The following WDFY3 variants were observed in gnomAD, a reference collection of about 807,000 sequenced individuals.
WDFY3 encodes the protein WD repeat and FYVE domain containing 3, also known as WD repeat and FYVE domain-containing protein 3.
In WDFY3, 66 loss-of-function variants were observed where a neutral mutation model predicts 409.6. The observed-to-expected ratio is 0.16, with a 90% CI of 0.13 to 0.20. The LOEUF is 0.20. Among genes scored for constraint, WDFY3 ranks in the 10% least tolerant of loss-of-function variants. The pLI is 1.00. For synonymous variants in WDFY3, 1,521 were observed against 1,537.1 expected (o/e 0.99, Z 0.25); for missense variants, 3,031 against 4,298.1 (o/e 0.71, Z 8.24).
chr4:84,783,912 A>G (rs554748363), intron 24 of WDFY3, among the ~76,000 whole-genome samples: 1 of 150,624 alleles, frequency 6.6e-6, no homozygotes, highest in Non-Finnish European at 1.5e-5. Flanking sequence ...AGCTCTGCGT[A>G]AGAGTTGTCA....
At chr4:84,691,352 G>A (rs1418458924) in intron 60 of WDFY3, among the ~76,000 whole-genome samples, 1 of 152,142 alleles carries the variant, frequency 6.6e-6, no homozygotes, top group African/African-American at 2.4e-5. Context: ...TCTCTCGGAG[G>A]AATTCTTTGA....
rs1298447079 is a variant in WDFY3, at chr4:84,860,437, TAC to T, written c.153_154del (p.Met53AspfsTer6). 6.2e-7 allele frequency: 1 copy of T among 1,614,078 alleles called. No individual in the cohort carries two copies. ...CCTGTTAAACACTGGCAGCATCATA[TAC>T]AGTTTCTCTTCTTGTTCCTTCTGAG... is the stretch of plus-strand genomic sequence containing the variant. On this transcript the variant is annotated frameshift_variant, in exon 4 of 68. Coordinates refer to ENST00000295888, the MANE Select transcript of WDFY3 (RefSeq NM_014991.6). LOFTEE classifies it high-confidence loss of function.
chr4:84,704,605 C>T (rs572673153), intron 54 of WDFY3, among the ~76,000 whole-genome samples, 161 bp from the exon 55 acceptor site: 1 of 152,194 alleles, frequency 6.6e-6, no homozygotes, highest in African/African-American at 2.4e-5. Flanking sequence ...GACACCACTA[C>T]CCCTCTCTTC....
chr4:84,933,949 G>A (rs1043377610), intron 1 of WDFY3, among the ~76,000 whole-genome samples: 8 of 151,986 alleles, frequency 5.3e-5, no homozygotes, highest in South Asian at 2.1e-4. Flanking sequence ...GTTTGCATCC[G>A]AATCTTGGTT....
rs563868868 is a variant in WDFY3 at position 84,681,912 on chromosome 4, T to C, written c.9823+462A>G. On this transcript the variant is annotated intron_variant, in intron 64 of 67. Transcript: ENST00000295888. The stretch of plus-strand genomic sequence containing the variant: ...GCTTCAGTGTGAATTAATGCCCCAA[T>C]GTAAGCAAGTCTGACTGTGGACTCT... Among the ~76,000 whole-genome samples the C allele has an allele frequency of 9.3e-4, 141 of 152,344 alleles. 3 individuals carry two copies. In the South Asian group the frequency reaches 0.028, roughly 31 times the overall value.
At chr4:84,960,869 T>A (rs978242253) in intron 1 of WDFY3, among the ~76,000 whole-genome samples, 4 of 152,116 alleles carry the variant, frequency 2.6e-5, no homozygotes, top group Admixed American at 2.6e-4. Context: ...CTACTGAAAA[T>A]TAAATGTTGA....
chr4:84,705,559 G>T, intron 53 of WDFY3, 48 bp from the exon 54 acceptor site: 1 of 1,438,068 alleles, frequency 7.0e-7, no homozygotes, highest in Non-Finnish European at 9.8e-7. Context: ...ACACTATCTA[G>T]CCTCACTAAC....
intron 3 of WDFY3, among the ~76,000 whole-genome samples, chr4:84,896,130 C>T (rs570542283): frequency 7.2e-5 from 11 of 152,060 alleles, no homozygotes; most frequent in African/African-American, 2.7e-4. Flanking sequence ...GTGGTGGGTG[C>T]CTGTAATCCC....
chr4:84,954,561 A>G (rs1774006476), intron 1 of WDFY3, among the ~76,000 whole-genome samples: 1 of 152,130 alleles, frequency 6.6e-6, no homozygotes, highest in Admixed American at 6.5e-5. Context: ...AACATAATAA[A>G]ACACATATTA....
intron 7 of WDFY3, 75 bp downstream of exon 7, chr4:84,836,854 G>T (rs965437209): frequency 8.0e-7 from 1 of 1,253,472 alleles, no homozygotes; most frequent in Non-Finnish European, 1.0e-6. Context: ...AATGGAATAT[G>T]TAAAACATCT....
chr4:84,697,515 C>T (rs1211827437), intron 56 of WDFY3, among the ~76,000 whole-genome samples: 1 of 151,984 alleles, frequency 6.6e-6, no homozygotes, highest in Admixed American at 6.6e-5. Context: ...ATATTTATTC[C>T]ATATAAACTT....
intron 2 of WDFY3, among the ~76,000 whole-genome samples, chr4:84,912,102 A>G (rs1767874847): frequency 6.6e-6 from 1 of 152,214 alleles, no homozygotes; most frequent in African/African-American, 2.4e-5. Flanking sequence ...GTTCATGCAT[A>G]TATTTTTCAT....
intron 2 of WDFY3, among the ~76,000 whole-genome samples, chr4:84,909,400 T>C (rs1767473667): frequency 6.6e-6 from 1 of 151,740 alleles, no homozygotes; most frequent in Admixed American, 6.6e-5. Flanking sequence ...AGTATTGTAA[T>C]AAAAAAAGAA....
intron 59 of WDFY3, 108 bp downstream of exon 59, chr4:84,692,777 A>T: frequency 2.8e-6 from 3 of 1,061,566 alleles, no homozygotes; most frequent in South Asian, 1.7e-5. Context: ...TATGGCACTT[A>T]TTAAACAAAT....
Position 84,692,970 on chromosome 4 carries a change from T to A in WDFY3, c.8964A>T (p.Gly2988=), listed in dbSNP as rs1413803097. ...VRSRLNGDNA[G]ISVLPGSTSD... ...TTGTAGATCCTGGTAGGACAGAGAT[T>A]CCTGCATTGTCTCCATTGAGTCGAC... is the stretch of plus-strand genomic sequence containing the variant. Residue 2988 remains glycine (G), a synonymous_variant, in exon 59 of 68, where the codon GGA becomes GGT. Coordinates refer to ENST00000295888, the MANE Select transcript of WDFY3 (RefSeq NM_014991.6). The A allele has an allele frequency of 1.9e-6, 3 of 1,613,386 alleles. No individual in the cohort carries two copies. The highest frequency in any genetic ancestry group is 1.7e-4 in the Middle Eastern group (1 of 6,060).
In WDFY3 at chr4:84,858,001, A is replaced by G. The variant is rs188138253; in HGVS notation, c.180+2411T>C. Among the ~76,000 whole-genome samples the G allele has an allele frequency of 2.4e-4, 37 of 152,228 alleles. No homozygotes were observed. The East Asian group carries it at 7.1e-3, about 29-fold the overall frequency. On this transcript the variant is annotated intron_variant, in intron 4 of 67. Coordinates refer to ENST00000295888, the MANE Select transcript of WDFY3 (RefSeq NM_014991.6). Reference sequence around the variant, plus strand: ...GTTTAGTATAAATTTATCATCTCCAACCTTCACTGAGCCATCAATACTAAT... The same window carrying G: ...GTTTAGTATAAATTTATCATCTCCAGCCTTCACTGAGCCATCAATACTAAT...
intron 35 of WDFY3, 62 bp downstream of exon 35, chr4:84,753,635 C>T (rs1435404161): frequency 6.8e-7 from 1 of 1,461,602 alleles, no homozygotes; most frequent in Non-Finnish European, 9.1e-7. Flanking sequence ...ACCATTGAAA[C>T]AGACTAATTC....
At chr4:84,877,751 G>T (rs1374239603) in intron 3 of WDFY3, among the ~76,000 whole-genome samples, 2 of 152,152 alleles carry the variant, frequency 1.3e-5, no homozygotes, top group Non-Finnish European at 2.9e-5. Context: ...ATTATGGAAG[G>T]CAAAGGTCAT....
Position 84,737,172 on chromosome 4 carries a change from T to A in WDFY3, c.6757+12A>T, listed in dbSNP as rs1737593224. ...GTAAATCTCCTGGTGGTATGATCTC[T>A]GTAGGCCTTACCCAAATGATTCTGC... On this transcript the variant is annotated intron_variant, in intron 41 of 67. Coordinates refer to ENST00000295888, the MANE Select transcript of WDFY3 (RefSeq NM_014991.6). The A allele has an allele frequency of 6.2e-7, 1 of 1,614,120 alleles. No homozygotes were observed. The highest frequency in any genetic ancestry group is 2.2e-5 in the East Asian group (1 of 44,870).
Sources: allele counts gnomAD v4.1 joint callset (sites outside exome capture counted in the v4.1 genomes callset), GRCh38; gene constraint gnomAD v4.1.1; transcripts MANE v1.5; gene names NCBI Gene and HGNC (gene_info 2026-07-23, HGNC 2026-07-21).